The following LYPD1 variants were observed in gnomAD, a reference collection of about 807,000 sequenced individuals.
LYPD1 encodes ly6/PLAUR domain-containing protein 1.
A neutral mutation model predicts 14.2 loss-of-function variants in LYPD1; 14 were observed. The ratio of observed to expected loss-of-function variants is 0.99; its 90% CI spans 0.65 to 1.54. The LOEUF (loss-of-function observed/expected upper bound fraction) is 1.54, where lower values mean the gene tolerates loss of function less well. Among genes scored for constraint, LYPD1 ranks in the 40% most tolerant of loss-of-function variants. LYPD1 has a pLI of 0.00. For synonymous variants in LYPD1, 85 were observed against 70.6 expected, an observed-to-expected ratio of 1.20 and a Z score of -1.02; for missense variants, 165 against 175.7, an observed-to-expected ratio of 0.94 and a Z score of 0.34.
chr2:132,650,220 CTCTCATA>C (rs1682303377), intron 2 of LYPD1, among the ~76,000 whole-genome samples: 1 of 152,038 alleles, frequency 6.6e-6, no homozygotes, highest in African/African-American at 2.4e-5. Flanking sequence ...AAAAGATACT[CTCTCATA>C]TCATAAGAAG....
chr2:132,663,093 G>T (rs1261558716), intron 2 of LYPD1: 3 of 152,192 alleles, frequency 2.0e-5, no homozygotes, highest in African/African-American at 7.2e-5. Flanking sequence ...GAAGAGCAAG[G>T]TGTTTGTTCT....
At chr2:132,670,997 C>T (rs1231828281), upstream of LYPD1, among the ~76,000 whole-genome samples, 2 of 152,176 alleles carry the variant, frequency 1.3e-5, no homozygotes, top group Non-Finnish European at 2.9e-5. The surrounding 1 kb of genome is among the most constrained non-coding windows in gnomAD (Gnocchi z 4.5). Flanking sequence ...GAGGGTTGTT[C>T]TCCTCCATTC....
intron 2 of LYPD1, among the ~76,000 whole-genome samples, chr2:132,655,965 C>A (rs1682572865): frequency 6.6e-6 from 1 of 152,210 alleles, no homozygotes; most frequent in Admixed American, 6.5e-5. Context: ...CCCCTCCACT[C>A]CCCTACAGAT....
At chr2:132,656,520 C>T (rs981007187) in intron 2 of LYPD1, among the ~76,000 whole-genome samples, 1 of 150,222 alleles carries the variant, frequency 6.7e-6, no homozygotes, top group Non-Finnish European at 1.5e-5. Flanking sequence ...GATCTGCATC[C>T]AAGTATTTTT....
At position 132,645,376 on chromosome 2, in the gene LYPD1, G is replaced by A. The variant is rs61735719; in HGVS notation, c.*669C>T. 8.9e-3 allele frequency: 14,307 copies of A among 1,613,844 alleles called. 86 individuals carry two copies. The highest frequency in any genetic ancestry group is 0.011 in the Middle Eastern group (67 of 6,062). ...CCACGAGAAGCGCCTGCGCGTACAT[G>A]CGCACTCCACCACCGACAGCGCCCG... is the stretch of plus-strand genomic sequence containing the variant. On this transcript the variant is annotated 3_prime_UTR_variant, in exon 3 of 3. Transcript: ENST00000397463.
Position 132,668,412 on chromosome 2 carries a change from C to T in LYPD1, c.178G>A (p.Glu60Lys), listed in dbSNP as rs1683412513. 3 of 1,605,082 alleles carry T rather than the reference C, an allele frequency of 1.9e-6. No individual in the cohort carries two copies. Among genetic ancestry groups the T allele is most frequent in the African/African-American group, 1.3e-5 (1 of 74,448 alleles). Residue 60 changes from glutamate to lysine, a missense_variant, in exon 2 of 3, where the codon GAG (glutamate) becomes AAG (lysine). Transcript: ENST00000397463. The part of the protein sequence containing the change: ...VQDMCQKEVM[E>K]QSAGIMYRKS... The stretch of plus-strand genomic sequence containing the variant: ...GCCAGGCTCTTACCGGCACTTTGCT[C>T]CATCACTTCTTTCTGACACATGTCT...
At chr2:132,649,859 G>A (rs535043954) in intron 2 of LYPD1, among the ~76,000 whole-genome samples, 10 of 151,990 alleles carry the variant, frequency 6.6e-5, no homozygotes, top group Admixed American at 5.2e-4. Context: ...AGTACTAAAC[G>A]ACACTTTGGA....
rs530921797 is a variant in LYPD1, at chr2:132,669,099, G to GC, written c.53-563dup. ...GCCAGACGCCAAGCGCTGCTGCGCC[G>GC]CAAGTCCCCGAGCCCGGGTCGGCGG... On this transcript the variant is annotated intron_variant, in intron 1 of 2. Transcript: ENST00000397463. This position sits in a 1 kb window ranked among gnomAD's most constrained non-coding sequence, Gnocchi z 4.3. Among the ~76,000 whole-genome samples, 44 of 152,256 alleles carry GC rather than the reference G, an allele frequency of 2.9e-4. No homozygotes were observed. The East Asian group carries it at 7.4e-3, about 26-fold the overall frequency.
At chr2:132,660,538 G>A (rs538670944) in intron 2 of LYPD1, 9 of 152,300 alleles carry the variant, frequency 5.9e-5, no homozygotes, top group African/African-American at 2.2e-4. Context: ...AGAATTAATG[G>A]CACATCTCAT....
At chr2:132,667,303 C>T (rs1683335121) in intron 2 of LYPD1, among the ~76,000 whole-genome samples, 1 of 152,192 alleles carries the variant, frequency 6.6e-6, no homozygotes, top group Non-Finnish European at 1.5e-5. Context: ...ACTGCACACA[C>T]ACCACAACAC....
At chr2:132,649,687 G>T (rs555757890) in intron 2 of LYPD1, among the ~76,000 whole-genome samples, 78 of 152,230 alleles carry the variant, frequency 5.1e-4, no homozygotes, top group Middle Eastern at 3.4e-3. Context: ...GAGTAGAGGG[G>T]TGTAGAATAA....
chr2:132,654,587 C>G (rs1284322327), intron 2 of LYPD1, among the ~76,000 whole-genome samples: 1 of 152,074 alleles, frequency 6.6e-6, no homozygotes, highest in Non-Finnish European at 1.5e-5. Context: ...CTGCTTAACT[C>G]TTGCCTCAAA....
Position 132,645,296 on chromosome 2 carries a change from T to G in LYPD1, c.*749A>C. The G allele has an allele frequency of 6.2e-7, 1 of 1,614,210 alleles. No homozygotes were observed. On this transcript the variant is annotated 3_prime_UTR_variant, in exon 3 of 3. Coordinates refer to ENST00000397463, the MANE Select transcript of LYPD1 (RefSeq NM_144586.7). ...CTGTACACGGTGTCCTCGCAGCAGT[T>G]TCGGCGGGTGTTCGTGCAGGTGCTG...
At chr2:132,654,224 A>G (rs900390846) in intron 2 of LYPD1, among the ~76,000 whole-genome samples, 2 of 152,172 alleles carry the variant, frequency 1.3e-5, no homozygotes, top group Non-Finnish European at 2.9e-5. Context: ...TTATTTCCAC[A>G]TACAACATTT....
Position 132,657,523 on chromosome 2 carries a change from AAG to A in LYPD1, c.190+10875_190+10876del, listed in dbSNP as rs753840805. On this transcript the variant is annotated intron_variant, in intron 2 of 2. Coordinates refer to ENST00000397463, the MANE Select transcript of LYPD1 (RefSeq NM_144586.7). The stretch of plus-strand genomic sequence containing the variant: ...CATACAAATTCACCCAAATGTAGGG[AAG>A]AGAGAGTCCTTGGTGGCATAACGAC... Among the ~76,000 whole-genome samples, 98 of 152,306 alleles carry A rather than the reference AAG, an allele frequency of 6.4e-4. 1 individual carries two copies. The highest frequency in any genetic ancestry group is 3.4e-3 in the Middle Eastern group (1 of 294).
Position 132,670,008 on chromosome 2 carries a change from A to T in LYPD1, c.-76T>A, listed in dbSNP as rs763099802. On this transcript the variant is annotated 5_prime_UTR_variant, in exon 1 of 3. Coordinates refer to ENST00000397463, the MANE Select transcript of LYPD1 (RefSeq NM_144586.7). This position sits in a 1 kb window ranked among gnomAD's most constrained non-coding sequence, Gnocchi z 4.5. ...CAGCAGCGGAGGCTGCCCCGGCTGC[A>T]GCGGCTGTGGCTGCCGAGGCTGCTG... 1 of 1,582,942 alleles carries T rather than the reference A, an allele frequency of 6.3e-7. No homozygotes were observed. Among genetic ancestry groups the T allele is most frequent in the East Asian group, 2.3e-5 (1 of 43,442 alleles).
chr2:132,648,543 G>A (rs1682235291), intron 2 of LYPD1, among the ~76,000 whole-genome samples: 1 of 152,236 alleles, frequency 6.6e-6, no homozygotes, highest in African/African-American at 2.4e-5. Flanking sequence ...ATGGCTGGGA[G>A]CTTATTTTTA....
chr2:132,669,915 G>C lies in LYPD1; in HGVS notation c.18C>G (p.Ile6Met). 5 of 1,612,896 alleles carry C rather than the reference G, an allele frequency of 3.1e-6. No homozygotes were observed. The highest frequency in any genetic ancestry group is 4.2e-6 in the Non-Finnish European group (5 of 1,179,386). The change falls in exon 1 of 3, where the codon ATC becomes ATG. Residue 6 changes from isoleucine (I) to methionine (M), a missense_variant. By Grantham distance (10) the Ile-to-Met change is conservative. Transcript: ENST00000397463. The surrounding 1 kb of genome is among the most constrained non-coding windows in gnomAD (Gnocchi z 4.3). ...AGAACAATCCGCAAAAAGTTGCCGC[G>C]ATGCCTAGGACCCACATTCTCCCGG... MWVLG[I>M]AATFCGLFLL...
intron 2 of LYPD1, among the ~76,000 whole-genome samples, chr2:132,654,740 CATTTATTT>C (rs67623007): frequency 8.0e-5 from 12 of 149,870 alleles, no homozygotes; most frequent in African/African-American, 1.7e-4. Flanking sequence ...GCCTCTTTCC[CATTTATTT>C]ATTTATTTAT....
Sources: allele counts gnomAD v4.1 joint callset (sites outside exome capture counted in the v4.1 genomes callset), GRCh38; gene constraint gnomAD v4.1.1; non-coding constraint Gnocchi (gnomAD v3.1); transcripts MANE v1.5; gene names NCBI Gene and HGNC (gene_info 2026-07-23, HGNC 2026-07-21).